KRABD3: variants seen among roughly 807,000 people sequenced by gnomAD.
KRABD3 encodes KRAB domain-containing protein 3.
At chr7:149,733,889 G>T in the KRABD3 span, 2 of 1,591,512 alleles carry the variant, frequency 1.3e-6, no homozygotes, top group Non-Finnish European at 1.7e-6. Flanking sequence ...TCCTCCTGCA[G>T]CCAGTGCAGA....
the KRABD3 span, among the ~76,000 whole-genome samples, chr7:149,716,371 G>A: frequency 0.019 from 2,877 of 152,330 alleles, 111 homozygotes; most frequent in African/African-American, 0.066. Context: ...TTCTCCATTG[G>A]TTGGGGGAAG....
At chr7:149,722,710 C>G in the KRABD3 span, 8 of 1,530,014 alleles carry the variant, frequency 5.2e-6, no homozygotes, top group Non-Finnish European at 7.1e-6. Flanking sequence ...GCCCGGAGAC[C>G]TGAATGCCTG....
chr7:149,715,080 AC>A, the KRABD3 span: 1 of 1,230,434 alleles, frequency 8.1e-7, no homozygotes, highest in Admixed American at 4.2e-5. Flanking sequence ...AGGCAGGCGG[AC>A]GCGCGGACCC....
At chr7:149,722,764 C>T in the KRABD3 span, 1 of 1,587,266 alleles carries the variant, frequency 6.3e-7, no homozygotes. Context: ...GACCCAGGCC[C>T]ACCTTGCATG....
chr7:149,733,274 C>T, the KRABD3 span: 1 of 1,612,442 alleles, frequency 6.2e-7, no homozygotes, highest in Non-Finnish European at 8.5e-7. Context: ...CCCTCCGGAG[C>T]TGCCCCCTCC....
chr7:149,724,822 CA>C, the KRABD3 span: 2 of 1,593,570 alleles, frequency 1.3e-6, no homozygotes, highest in African/African-American at 2.7e-5. Flanking sequence ...AGGGGTCCCC[CA>C]ACCCAGCTGG....
the KRABD3 span, chr7:149,733,937 A>G: frequency 6.3e-7 from 1 of 1,597,602 alleles, no homozygotes. Context: ...ACCAGACGGG[A>G]TCCCAGAGCG....
chr7:149,728,456 G>A, the KRABD3 span: 1 of 1,541,476 alleles, frequency 6.5e-7, no homozygotes, highest in African/African-American at 1.4e-5. Flanking sequence ...CAGAAGACAG[G>A]GGGCTTCTGC....
the KRABD3 span, chr7:149,729,510 A>G: frequency 7.9e-7 from 1 of 1,259,396 alleles, no homozygotes; most frequent in Non-Finnish European, 1.0e-6. Flanking sequence ...GGTGCCAAAC[A>G]GAAACTGAGG....
chr7:149,725,562 G>A, the KRABD3 span: 4 of 1,414,028 alleles, frequency 2.8e-6, no homozygotes, highest in Non-Finnish European at 3.8e-6. Context: ...AGGACTGTCG[G>A]GTCATTGTGT....
the KRABD3 span, chr7:149,725,759 A>C: frequency 2.2e-6 from 2 of 901,004 alleles, no homozygotes; most frequent in East Asian, 5.3e-5. Flanking sequence ...GAGTTGAATC[A>C]GTGCCACAGG....
chr7:149,730,766 C>G, the KRABD3 span: 1 of 680,122 alleles, frequency 1.5e-6, no homozygotes, highest in South Asian at 2.0e-5. Context: ...TGGTGAGCAG[C>G]TGCAGGGAGG....
At chr7:149,731,874 G>A in the KRABD3 span, 1 of 793,060 alleles carries the variant, frequency 1.3e-6, no homozygotes. Flanking sequence ...TGAGTGATGG[G>A]TAGGAAGTCT....
chr7:149,730,436 C>T, the KRABD3 span: 1,327 of 1,592,726 alleles, frequency 8.3e-4, 1 homozygote, highest in Non-Finnish European at 9.9e-4. Context: ...AGAGAGGGAC[C>T]GCCTTCCCAG....
At chr7:149,729,347 G>C in the KRABD3 span, 2 of 1,538,562 alleles carry the variant, frequency 1.3e-6, no homozygotes, top group Non-Finnish European at 1.7e-6. Context: ...ACCAGGCCAG[G>C]AGTGTGGAGG....
chr7:149,728,779 T>C, the KRABD3 span: 34 of 1,308,718 alleles, frequency 2.6e-5, no homozygotes, highest in South Asian at 5.7e-5. Flanking sequence ...AACATGGTGC[T>C]CTGGAAACAG....
At chr7:149,721,554 G>A in the KRABD3 span, 2 of 1,608,644 alleles carry the variant, frequency 1.2e-6, no homozygotes, top group Non-Finnish European at 1.7e-6. Context: ...GACACAGCAG[G>A]GACAGGGAGA....
the KRABD3 span, chr7:149,725,215 C>T: frequency 3.3e-6 from 4 of 1,208,016 alleles, no homozygotes; most frequent in African/African-American, 1.5e-5. Context: ...CAGGACTCGT[C>T]ACCCCTGTAG....
chr7:149,730,122 G>A, the KRABD3 span: 3 of 1,470,844 alleles, frequency 2.0e-6, no homozygotes, highest in Non-Finnish European at 2.7e-6. Flanking sequence ...GCTGATGACA[G>A]AGCACTCTCT....
Sources: allele counts gnomAD v4.1 joint callset (sites outside exome capture counted in the v4.1 genomes callset), GRCh38; gene constraint gnomAD v4.1.1; transcripts MANE v1.5; gene names NCBI Gene and HGNC (gene_info 2026-07-23, HGNC 2026-07-21).